Variants in KIF15 observed in about 807,000 individuals in gnomAD.
The protein encoded by KIF15 is kinesin family member 15.
In KIF15, 140 loss-of-function variants were observed where a neutral mutation model predicts 190.6. That is an observed-to-expected ratio of 0.73 (90% CI 0.64 to 0.84). The LOEUF is 0.84. Ranked by LOEUF, KIF15 falls within the 40% of genes least tolerant of loss-of-function variation. The pLI is 0.00. For synonymous variants in KIF15, 528 were observed against 551.3 expected (o/e 0.96, Z 0.59); for missense variants, 1,372 against 1,584.4 (o/e 0.87, Z 2.28).
In KIF15 at chr3:44,761,822, A is replaced by G; in HGVS notation, c.-44A>G. 6.2e-7 allele frequency: 1 copy of G among 1,613,970 alleles called. No individual in the cohort carries two copies. The highest frequency in any genetic ancestry group is 1.3e-5 in the African/African-American group (1 of 75,042). ...CGCGCGCGGTGCAGTCGGGAGGTGG[A>G]GGCACCGGCTGCATTGTTTTCGGGA... On this transcript the variant is annotated 5_prime_UTR_variant, in exon 1 of 35. Transcript: ENST00000326047.
intron 30 of KIF15, among the ~76,000 whole-genome samples, chr3:44,844,862 A>T (rs1698772090): frequency 6.6e-6 from 1 of 152,238 alleles, no homozygotes; most frequent in African/African-American, 2.4e-5. Context: ...TGCAGCCGTA[A>T]ATCAAGGCGA....
intron 6 of KIF15, chr3:44,863,740 T>G: frequency 1.2e-5 from 2 of 167,810 alleles, no homozygotes; most frequent in South Asian, 1.5e-4. Context: ...TTGTATAGGA[T>G]TTGGGGGTGG....
In KIF15 at chr3:44,846,911, GT is replaced by G. The variant is rs1347319935; in HGVS notation, c.3696-1070del. On this transcript the variant is annotated intron_variant, in intron 30 of 34. Transcript: ENST00000326047. ...AGGGGCCTAATTCAGCTCACAACCT[GT>G]TTTGTAAATAAAATTTTATTGAGAC... Among the ~76,000 whole-genome samples the G allele has an allele frequency of 4.9e-4, 75 of 152,060 alleles. 1 individual carries two copies. Among genetic ancestry groups the G allele is most frequent in the African/African-American group, 1.8e-3 (74 of 41,480 alleles).
intron 1 of KIF15, among the ~76,000 whole-genome samples, chr3:44,772,000 T>G (rs979094856): frequency 6.6e-6 from 1 of 152,238 alleles, no homozygotes; most frequent in African/African-American, 2.4e-5. Context: ...ATTAAAGTCA[T>G]GTGAACTAAA....
At position 44,830,985 on chromosome 3, in the gene KIF15, C is replaced by CCTTA. The variant is rs1287437911; in HGVS notation, c.3139_3142dup (p.Arg1048ThrfsTer2). On this transcript the variant is annotated frameshift_variant, in exon 26 of 35. Transcript: ENST00000326047. LOFTEE classifies it high-confidence loss of function. ...TGGATATTCTGGATCTGAAAGAAACCCTTAGGCTGAGAATACTTTCTGAGG... is the reference window on the plus strand; with the variant it reads ...TGGATATTCTGGATCTGAAAGAAACCCTTACTTAGGCTGAGAATACTTTCTGAGG... 2 of 1,613,880 alleles carry CCTTA rather than the reference C, an allele frequency of 1.2e-6. No individual in the cohort carries two copies. The highest frequency in any genetic ancestry group is 1.7e-6 in the Non-Finnish European group (2 of 1,179,896).
chr3:44,799,834 G>A (rs569129882), intron 10 of KIF15, among the ~76,000 whole-genome samples: 1 of 151,774 alleles, frequency 6.6e-6, no homozygotes, highest in South Asian at 2.1e-4. Flanking sequence ...ATAAAGGTCG[G>A]ATTCCTCTGG....
At chr3:44,851,729 C>A in intron 32 of KIF15, 58 bp from the exon 33 acceptor site, 1 of 1,412,290 alleles carries the variant, frequency 7.1e-7, no homozygotes, top group Non-Finnish European at 9.7e-7. Context: ...CTAACTTGAG[C>A]ACTGTTTTAT....
At chr3:44,862,433 C>G (rs1343497738) in intron 6 of KIF15, 1 of 153,022 alleles carries the variant, frequency 6.5e-6, no homozygotes, top group African/African-American at 2.4e-5. Context: ...TGGGCTAGTT[C>G]GCTCTCGGGG....
At chr3:44,830,282 A>G (rs550320518) in intron 25 of KIF15, among the ~76,000 whole-genome samples, 6 of 152,286 alleles carry the variant, frequency 3.9e-5, no homozygotes, top group South Asian at 4.1e-4. Flanking sequence ...CTGGGGGACA[A>G]TGTAGGCTGC....
intron 6 of KIF15, chr3:44,861,887 G>GCGGGCAGCGGGTGC (rs1559601647): frequency 2.0e-6 from 3 of 1,488,182 alleles, no homozygotes; most frequent in Non-Finnish European, 2.7e-6. Flanking sequence ...GCTCTGCCCT[G>GCGGGCAGCGGGTGC]CGGGCAGCGG....
chr3:44,804,920 C>CT, intron 14 of KIF15, 107 bp from the exon 15 acceptor site: 1 of 1,211,222 alleles, frequency 8.3e-7, no homozygotes, highest in Non-Finnish European at 1.1e-6. Context: ...CTTTAGTACA[C>CT]TATGATCATG....
At chr3:44,858,548 G>A (rs540391892) in intron 6 of KIF15, among the ~76,000 whole-genome samples, 16 of 152,234 alleles carry the variant, frequency 1.1e-4, no homozygotes, top group African/African-American at 3.6e-4. Context: ...ACGAGAGGAA[G>A]ACACAAAGGA....
chr3:44,776,043 G>A (rs1333819216), intron 3 of KIF15, among the ~76,000 whole-genome samples: 6 of 149,546 alleles, frequency 4.0e-5, no homozygotes, highest in Admixed American at 6.7e-5. Context: ...TCGCACCACT[G>A]CACTCCAGAC....
intron 6 of KIF15, among the ~76,000 whole-genome samples, chr3:44,868,317 ACT>A (rs1289809291): frequency 6.6e-6 from 1 of 152,086 alleles, no homozygotes; most frequent in African/African-American, 2.4e-5. Context: ...ACTGAATAAT[ACT>A]CCATTGTGTG....
At chr3:44,821,465 G>A (rs1029289492) in intron 20 of KIF15, among the ~76,000 whole-genome samples, 14 of 151,600 alleles carry the variant, frequency 9.2e-5, no homozygotes, top group Admixed American at 2.0e-4. Context: ...CCGGGTAGAG[G>A]CACTCCTCAC....
intron 16 of KIF15, among the ~76,000 whole-genome samples, chr3:44,807,320 G>T (rs541759804): frequency 2.0e-5 from 3 of 151,830 alleles, no homozygotes; most frequent in African/African-American, 7.2e-5. Context: ...TGCTTCCTGG[G>T]TTCAAGCGAT....
chr3:44,830,004 G>A lies in KIF15; in HGVS notation c.2977G>A (p.Glu993Lys), dbSNP rs761179381. The change falls in exon 25 of 35, where the codon GAG becomes AAG. Residue 993 changes from glutamate to lysine, a missense_variant. Physicochemically the swap from Glu to Lys is moderately conservative, Grantham distance 56 (BLOSUM62 1). Transcript: ENST00000326047. ...VVADLMNQIQ[E>K]LRTSVCEKTE... ...AGCTGACCTCATGAACCAGATCCAGGAGCTAAGAACATCGGTCTGTGAGAA... is the reference window on the plus strand; with the variant it reads ...AGCTGACCTCATGAACCAGATCCAGAAGCTAAGAACATCGGTCTGTGAGAA... 6.3e-7 allele frequency: 1 copy of A among 1,597,550 alleles called. No individual in the cohort carries two copies. Among genetic ancestry groups the A allele is most frequent in the South Asian group, 1.1e-5 (1 of 89,040 alleles).
In KIF15 at chr3:44,827,513, C is replaced by CA; in HGVS notation, c.2843dup (p.Cys949ValfsTer2). Reference sequence around the variant, plus strand: ...GTCAGGAGAAACAGAAAGAGACGGCCAAGTGTGAGCAGCAGGTAAAATTCC... The same window carrying CA: ...GTCAGGAGAAACAGAAAGAGACGGCCAAAGTGTGAGCAGCAGGTAAAATTCC... On this transcript the variant is annotated frameshift_variant, in exon 23 of 35. Transcript: ENST00000326047. LOFTEE classifies it high-confidence loss of function. The CA allele has an allele frequency of 3.1e-6, 5 of 1,610,134 alleles. No individual in the cohort carries two copies. The highest frequency in any genetic ancestry group is 4.2e-6 in the Non-Finnish European group (5 of 1,176,732).
chr3:44,818,306 T>A (rs565498615), intron 20 of KIF15, among the ~76,000 whole-genome samples: 1 of 152,366 alleles, frequency 6.6e-6, no homozygotes, highest in East Asian at 1.9e-4. Flanking sequence ...AGAGAGGGCA[T>A]CCCTGTCTTG....
Sources: allele counts gnomAD v4.1 joint callset (sites outside exome capture counted in the v4.1 genomes callset), GRCh38; gene constraint gnomAD v4.1.1; transcripts MANE v1.5; gene names NCBI Gene and HGNC (gene_info 2026-07-23, HGNC 2026-07-21).